Variants in MMUT observed in about 807,000 individuals in gnomAD.
MMUT encodes the protein methylmalonyl-CoA mutase.
In MMUT, 79 loss-of-function variants were observed where a neutral mutation model predicts 79.9. The ratio of observed to expected loss-of-function variants is 0.99; its 90% confidence interval spans 0.82 to 1.19. MMUT has a LOEUF of 1.19. MMUT is among the 50% of genes most tolerant of loss of function. The pLI is 0.00. For synonymous variants in MMUT, 273 were observed against 295.7 expected, an observed-to-expected ratio of 0.92 and a Z score of 0.79; for missense variants, 860 against 917.2, an observed-to-expected ratio of 0.94 and a Z score of 0.81.
At chr6:49,442,079 T>C (rs1053327408) in intron 9 of MMUT, 108 bp from the exon 10 acceptor site, 12 of 1,204,774 alleles carry the variant, frequency 1.0e-5, no homozygotes, top group Non-Finnish European at 1.4e-5. Context: ...AGTAAATGAC[T>C]GTAAAAATGT....
intron 12 of MMUT, among the ~76,000 whole-genome samples, chr6:49,434,171 C>T (rs1217300035): frequency 6.6e-6 from 1 of 151,960 alleles, no homozygotes; most frequent in South Asian, 2.1e-4. Flanking sequence ...CTGATAGAAG[C>T]GTTCTGTAGA....
chr6:49,444,786 A>T (rs776320348), intron 8 of MMUT, 32 bp from the exon 9 acceptor site: 1 of 1,517,444 alleles, frequency 6.6e-7, no homozygotes, highest in South Asian at 1.1e-5. Context: ...GGGACAATTT[A>T]CATGAAGAGA....
In MMUT at chr6:49,451,486, C is replaced by CT; in HGVS notation, c.1311_1312insA (p.Val438SerfsTer3). 1 of 1,614,034 alleles carries CT rather than the reference C, an allele frequency of 6.2e-7. No individual in the cohort carries two copies. The highest frequency in any genetic ancestry group is 8.5e-7 in the Non-Finnish European group (1 of 1,179,984). ...CTTACCTTTAAAGCAGCATCATAAACATCATTTGTGAGACATTCCATCATG... is the reference window on the plus strand; with the variant it reads ...CTTACCTTTAAAGCAGCATCATAAACTATCATTTGTGAGACATTCCATCATG... On this transcript the variant is annotated frameshift_variant, in exon 6 of 13. Transcript: ENST00000274813. LOFTEE classifies it high-confidence loss of function.
intron 12 of MMUT, 121 bp downstream of exon 12, chr6:49,435,335 T>C (rs985840249): frequency 6.8e-6 from 7 of 1,025,362 alleles, no homozygotes; most frequent in Admixed American, 4.1e-5. Flanking sequence ...AGAATTTATT[T>C]AGTGAAATCA....
At chr6:49,441,238 T>C (rs1371878695) in intron 10 of MMUT, among the ~76,000 whole-genome samples, 1 of 152,152 alleles carries the variant, frequency 6.6e-6, no homozygotes, top group Non-Finnish European at 1.5e-5. Context: ...CAAGTCATGC[T>C]GTGGAAATAA....
chr6:49,451,838 C>A, intron 5 of MMUT, 124 bp from the exon 6 acceptor site: 1 of 1,089,324 alleles, frequency 9.2e-7, no homozygotes, highest in Non-Finnish European at 1.3e-6. Context: ...TATTAAGCTT[C>A]AGAATAGCAA....
rs569701426 is a variant in MMUT, at chr6:49,432,532, C to T, written c.2125-676G>A. On this transcript the variant is annotated intron_variant, in intron 12 of 12. Coordinates refer to ENST00000274813, the MANE Select transcript of MMUT (RefSeq NM_000255.4). The stretch of plus-strand genomic sequence containing the variant: ...CCTTCCAAGTAGCTGTGGCTACAGG[C>T]GCCCGCCACCATGCCCGGCTAATTT... 2.3e-4 allele frequency among the ~76,000 whole-genome samples: 35 copies of T among 152,146 alleles called. No individual in the cohort carries two copies. The East Asian group carries it at 6.2e-3, about 27-fold the overall frequency.
At chr6:49,441,743 C>T in intron 10 of MMUT, 97 bp downstream of exon 10, 1 of 1,162,152 alleles carries the variant, frequency 8.6e-7, no homozygotes, top group Non-Finnish European at 1.1e-6. Context: ...CAAAAATTTT[C>T]TCAGTTGTAT....
At chr6:49,439,748 C>T (rs555369519) in intron 11 of MMUT, among the ~76,000 whole-genome samples, 1 of 152,150 alleles carries the variant, frequency 6.6e-6, no homozygotes, top group Admixed American at 6.5e-5. Flanking sequence ...CACCACTGGA[C>T]CCCTTACTGA....
At chr6:49,431,949 C>A in intron 12 of MMUT, 93 bp from the exon 13 acceptor site, 1 of 1,439,858 alleles carries the variant, frequency 6.9e-7, no homozygotes, top group East Asian at 2.3e-5. Flanking sequence ...CTCAATTACC[C>A]AAAACCTTCT....
At chr6:49,433,767 A>T (rs1038094598) in intron 12 of MMUT, among the ~76,000 whole-genome samples, 1 of 152,216 alleles carries the variant, frequency 6.6e-6, no homozygotes, top group African/African-American at 2.4e-5. Flanking sequence ...CTTCTAATTT[A>T]AAACTAAGTG....
At chr6:49,435,879 A>C (rs1327864648) in intron 11 of MMUT, among the ~76,000 whole-genome samples, 1 of 152,234 alleles carries the variant, frequency 6.6e-6, no homozygotes, top group Admixed American at 6.5e-5. Flanking sequence ...AAACTTTTGC[A>C]AACTGTGAAT....
At chr6:49,459,039 A>G in intron 2 of MMUT, 43 bp downstream of exon 2, 1 of 1,588,142 alleles carries the variant, frequency 6.3e-7, no homozygotes. Flanking sequence ...ACTAGGAGGC[A>G]TATGACTTAT....
At chr6:49,452,837 C>G (rs144543159) in intron 5 of MMUT, among the ~76,000 whole-genome samples, 2,068 of 152,042 alleles carry the variant, frequency 0.014, 43 homozygotes, top group African/African-American at 0.045. Context: ...TTAAATTACC[C>G]AAGTAAAAAC....
intron 5 of MMUT, 76 bp downstream of exon 5, chr6:49,453,509 G>T: frequency 1.5e-6 from 1 of 685,488 alleles, no homozygotes; most frequent in Non-Finnish European, 2.2e-6. Flanking sequence ...TCTATTTCCT[G>T]CTTGTGCCAC....
chr6:49,443,465 T>C (rs1767330817), intron 9 of MMUT, among the ~76,000 whole-genome samples: 1 of 152,112 alleles, frequency 6.6e-6, no homozygotes, highest in Non-Finnish European at 1.5e-5. Context: ...AACCTGCTGA[T>C]GTTATGGCTA....
At chr6:49,446,520 C>T (rs929510038) in intron 8 of MMUT, among the ~76,000 whole-genome samples, 5 of 151,860 alleles carry the variant, frequency 3.3e-5, no homozygotes, top group Admixed American at 2.0e-4. Context: ...AGCTTTGTCA[C>T]TTATACTATA....
At chr6:49,445,748 C>A (rs1767396712) in intron 8 of MMUT, among the ~76,000 whole-genome samples, 1 of 151,814 alleles carries the variant, frequency 6.6e-6, no homozygotes, top group South Asian at 2.1e-4. Flanking sequence ...TTCTTTTTTT[C>A]TCAAATATCT....
intron 7 of MMUT, 78 bp downstream of exon 7, chr6:49,448,738 T>C: frequency 8.2e-7 from 1 of 1,222,506 alleles, no homozygotes; most frequent in Non-Finnish European, 1.2e-6. Flanking sequence ...TTTTGTTAAC[T>C]ATACATGTTA....
Sources: gnomAD v4.1 joint callset for allele counts (sites outside exome capture counted in the v4.1 genomes callset) on GRCh38, gnomAD v4.1.1 for gene constraint, MANE v1.5 for transcripts, NCBI Gene and HGNC (gene_info 2026-07-23, HGNC 2026-07-21) for gene names.